FAM199X: variants seen among roughly 807,000 people sequenced by gnomAD.
FAM199X encodes protein FAM199X.
In FAM199X, 4 loss-of-function variants were observed where a neutral mutation model predicts 22.9. That is an observed-to-expected ratio of 0.17 (90% CI 0.09 to 0.40). FAM199X has a LOEUF of 0.40. Ranked by LOEUF, FAM199X falls within the 10% of genes least tolerant of loss-of-function variation. FAM199X has a pLI of 1.00. For synonymous variants in FAM199X, 101 were observed against 112.3 expected, an observed-to-expected ratio of 0.90 and a Z score of 0.64; for missense variants, 183 against 306.8, an observed-to-expected ratio of 0.60 and a Z score of 3.01.
intron 5 of FAM199X, 96 bp downstream of exon 5, chrX:104,188,402 C>T: frequency 9.7e-7 from 1 of 1,034,669 alleles, no homozygotes; most frequent in East Asian, 3.1e-5. Flanking sequence ...ATCCTGCTGT[C>T]TAGTTGCCTG....
At position 104,166,859 on chromosome X, in the gene FAM199X, G is replaced by C. The variant is rs150154487; in HGVS notation, c.74G>C (p.Gly25Ala). 5 of 1,207,253 alleles carry C rather than the reference G, an allele frequency of 4.1e-6. No individual in the cohort carries two copies. The highest frequency in any genetic ancestry group is 5.6e-6 in the Non-Finnish European group (5 of 892,988). Residue 25 changes from glycine to alanine, a missense_variant, in exon 1 of 6, where the codon GGA (glycine) becomes GCA (alanine). Transcript: ENST00000493442. The stretch of plus-strand genomic sequence containing the variant: ...CCCGAGGAGCCCTTCCCACTCCTGG[G>C]ACCTCCTCGCGGGGTGGGCACCTGC... ...LTPEEPFPLL[G>A]PPRGVGTCPS...
At position 104,170,303 on chromosome X, in the gene FAM199X, G is replaced by A. The variant is rs1159684467; in HGVS notation, c.197+3321G>A. Among the ~76,000 whole-genome samples, 3 of 112,121 alleles carry A rather than the reference G, an allele frequency of 2.7e-5. No individual in the cohort carries two copies. In the East Asian group the frequency reaches 8.4e-4, roughly 31 times the overall value. On this transcript the variant is annotated intron_variant, in intron 1 of 5. Transcript: ENST00000493442. ...CCTATCTAGATACAGAATTAGAGGT[G>A]CAGAAGAGCTGTGGGTTGCAGGTGG...
At chrX:104,163,715 C>T (rs781959475), upstream of FAM199X, among the ~76,000 whole-genome samples, 15 of 91,218 alleles carry the variant, frequency 1.6e-4, no homozygotes, top group Admixed American at 5.2e-4. Context: ...TTTCCTGAGA[C>T]GGAGTCTTGC....
chrX:104,164,445 TA>T (rs2147886442), upstream of FAM199X, among the ~76,000 whole-genome samples: 1 of 112,479 alleles, frequency 8.9e-6, no homozygotes, highest in South Asian at 3.7e-4. Flanking sequence ...AGCAGTTAGT[TA>T]TCATGTGGTC....
intron 2 of FAM199X, among the ~76,000 whole-genome samples, chrX:104,182,335 C>T (rs559333371): frequency 9.0e-6 from 1 of 110,886 alleles, no homozygotes; most frequent in South Asian, 3.8e-4. Flanking sequence ...ATTTTTCTTT[C>T]CATGTTTGCT....
In FAM199X at chrX:104,166,610, C is replaced by T; in HGVS notation, c.-176C>T. On this transcript the variant is annotated 5_prime_UTR_variant, in exon 1 of 6. Transcript: ENST00000493442. The stretch of plus-strand genomic sequence containing the variant: ...CCGCTGTGGCCTCGAGCAGCCTCTT[C>T]GCGCGGCCCCGCACCCCGGCAAGCA... The T allele has an allele frequency of 2.6e-6, 1 of 383,897 alleles. No individual in the cohort carries two copies. The highest frequency in any genetic ancestry group is 4.4e-6 in the Non-Finnish European group (1 of 228,988). The allele number at this position is 383,897 out of a possible 1,213,427, so 31.6% of individuals were successfully genotyped here. A position where few individuals can be genotyped will look rare whatever the true frequency, so the allele number is the denominator to read the frequency against.
intron 2 of FAM199X, among the ~76,000 whole-genome samples, chrX:104,179,584 A>G (rs1556377328): frequency 9.0e-6 from 1 of 111,626 alleles, no homozygotes; most frequent in African/African-American, 3.3e-5. Flanking sequence ...AGATCATGTC[A>G]TCTGTGACTA....
At chrX:104,187,201 A>C (rs1421024881) in intron 4 of FAM199X, among the ~76,000 whole-genome samples, 1 of 108,063 alleles carries the variant, frequency 9.3e-6, no homozygotes, top group Non-Finnish European at 1.9e-5. Flanking sequence ...CTCCTGCCTC[A>C]GCCTCCCAAG....
At chrX:104,174,343 T>TA (rs111577206) in intron 1 of FAM199X, among the ~76,000 whole-genome samples, 4,259 of 110,862 alleles carry the variant, frequency 0.038, 183 homozygotes, top group African/African-American at 0.13. Context: ...ATAAGATAGG[T>TA]AAAAAAATTT....
In FAM199X at chrX:104,166,762, G is replaced by T. The variant is rs1921204748; in HGVS notation, c.-24G>T. The T allele has an allele frequency of 2.5e-6, 3 of 1,186,063 alleles. No homozygotes were observed. Among genetic ancestry groups the T allele is most frequent in the Middle Eastern group, 3.2e-4 (1 of 3,101 alleles). ...GGAGCAGCCCAGGGCCAGAGAGGGA[G>T]CCCGAGCCAGGCCATCTCCAACCAT... On this transcript the variant is annotated 5_prime_UTR_variant, in exon 1 of 6. Coordinates refer to ENST00000493442, the MANE Select transcript of FAM199X (RefSeq NM_207318.4).
chrX:104,174,736 T>C (rs1556376071), intron 1 of FAM199X, among the ~76,000 whole-genome samples: 1 of 111,755 alleles, frequency 8.9e-6, no homozygotes, highest in Non-Finnish European at 1.9e-5. Flanking sequence ...AAAAGCAATA[T>C]ACTAAAATAT....
intron 1 of FAM199X, among the ~76,000 whole-genome samples, chrX:104,171,552 CTTA>C (rs1315564328): frequency 3.6e-5 from 4 of 111,940 alleles, no homozygotes; most frequent in Non-Finnish European, 7.5e-5. Context: ...TATTTAAAAA[CTTA>C]TTATAGAAAA....
rs781969335 is a variant in FAM199X, at chrX:104,195,190, TTATAA to T, written c.*5417_*5421del. 6.3e-5 allele frequency: 7 copies of T among 111,059 alleles called. No individual in the cohort carries two copies. Among genetic ancestry groups the T allele is most frequent in the South Asian group, 3.8e-4 (1 of 2,642 alleles). 9.2% of individuals were successfully genotyped at this position (111,059 alleles called of 1,213,427 possible). On this transcript the variant is annotated 3_prime_UTR_variant, in exon 6 of 6. Transcript: ENST00000493442. ...AAAGTGTTGTTTTGGTTAAGAACTC[TTATAA>T]TATATTATTTCTTTTGATGTACCCT...
chrX:104,166,630 C>G lies in FAM199X; in HGVS notation c.-156C>G. The G allele has an allele frequency of 2.2e-6, 1 of 462,566 alleles. No homozygotes were observed. The highest frequency in any genetic ancestry group is 3.4e-6 in the Non-Finnish European group (1 of 290,701). 38.1% of individuals were successfully genotyped at this position (462,566 alleles called of 1,213,427 possible). On this transcript the variant is annotated 5_prime_UTR_variant, in exon 1 of 6. Transcript: ENST00000493442. ...CTCTTCGCGCGGCCCCGCACCCCGG[C>G]AAGCAGCAGCGGGCCGCGACGCCCA...
intron 1 of FAM199X, among the ~76,000 whole-genome samples, chrX:104,167,252 C>T (rs1556374235): frequency 9.4e-6 from 1 of 106,510 alleles, no homozygotes; most frequent in Non-Finnish European, 1.9e-5. Context: ...CCTTGCTTCC[C>T]TTCCCTCCCC....
At chrX:104,189,355 T>C (rs1442480708) in intron 5 of FAM199X, among the ~76,000 whole-genome samples, 1 of 111,740 alleles carries the variant, frequency 8.9e-6, no homozygotes, top group African/African-American at 3.3e-5. Context: ...AGTGACTTTT[T>C]ATCTATCACT....
At chrX:104,162,052 C>A (rs1406360313), upstream of FAM199X, among the ~76,000 whole-genome samples, 1 of 111,668 alleles carries the variant, frequency 9.0e-6, no homozygotes, top group Non-Finnish European at 1.9e-5. Flanking sequence ...GTGTTCCAGA[C>A]AACAAAAGAG....
chrX:104,166,247 C>A (rs187893224), upstream of FAM199X, among the ~76,000 whole-genome samples: 799 of 113,003 alleles, frequency 7.1e-3, 2 homozygotes, highest in Middle Eastern at 0.018. Context: ...TAGTCGAGTA[C>A]GAGTGAGAAA....
the FAM199X span, among the ~76,000 whole-genome samples, chrX:104,158,063 G>A: frequency 4.5e-5 from 5 of 112,035 alleles, no homozygotes; most frequent in Non-Finnish European, 9.4e-5. Flanking sequence ...ACTTGCCCAC[G>A]GTCACAGAGC....
Sources: allele counts gnomAD v4.1 joint callset (sites outside exome capture counted in the v4.1 genomes callset), GRCh38; gene constraint gnomAD v4.1.1; transcripts MANE v1.5; gene names NCBI Gene and HGNC (gene_info 2026-07-23, HGNC 2026-07-21).